SHISA6: variants seen among roughly 807,000 people sequenced by gnomAD.
SHISA6 encodes the protein shisa family member 6, also known as protein shisa-6.
A neutral mutation model predicts 47.9 loss-of-function variants in SHISA6; 22 were observed. That is an observed-to-expected ratio of 0.46 (90% confidence interval 0.33 to 0.66). SHISA6 has a LOEUF of 0.66. SHISA6 is among the 30% of genes least tolerant of loss of function. The probability of loss-of-function intolerance (pLI) is 0.02; values close to 1 mark genes in which losing one functional copy is unlikely to be tolerated. For synonymous variants in SHISA6, 388 were observed against 337.8 expected, an observed-to-expected ratio of 1.15 and a Z score of -1.63; for missense variants, 680 against 764.6, an observed-to-expected ratio of 0.89 and a Z score of 1.30.
Position 11,445,851 on chromosome 17 carries a change from A to G in SHISA6, c.895+66342A>G, listed in dbSNP as rs1256077576. Among the ~76,000 whole-genome samples, 6 of 152,296 alleles carry G rather than the reference A, an allele frequency of 3.9e-5. 1 individual carries two copies. Among genetic ancestry groups the G allele is most frequent in the Admixed American group, 2.0e-4 (3 of 15,286 alleles). Reference sequence around the variant, plus strand: ...CTTTCTTTCTTTTATTTTTTGAAACAGAGTCTCCTTCTGTCGCCCAGGCTG... The same window carrying G: ...CTTTCTTTCTTTTATTTTTTGAAACGGAGTCTCCTTCTGTCGCCCAGGCTG... On this transcript the variant is annotated intron_variant, in intron 3 of 5. Transcript: ENST00000441885.
rs1174062048 is a variant in SHISA6, at chr17:11,241,880, C to T, written c.458C>T (p.Thr153Met). 3 of 1,551,096 alleles carry T rather than the reference C, an allele frequency of 1.9e-6. No homozygotes were observed. The highest frequency in any genetic ancestry group is 2.6e-6 in the Non-Finnish European group (3 of 1,147,034). Reference sequence around the variant, plus strand: ...TACCAGAGCCCGGTGTGGGTACAGACGCCCAGCACCAAGGTGGTGTCGCCG... The same window carrying T: ...TACCAGAGCCCGGTGTGGGTACAGATGCCCAGCACCAAGGTGGTGTCGCCG... ...TNYQSPVWVQ[T>M]PSTKVVSPGP... The change falls in exon 1 of 6, where the codon ACG becomes ATG. Residue 153 changes from threonine to methionine, a missense_variant. Thr to Met is a moderately conservative substitution (Grantham distance 81). Transcript: ENST00000441885. This position sits in a 1 kb window ranked among gnomAD's most constrained non-coding sequence, Gnocchi z 5.5.
chr17:11,528,672 C>T (rs2071706911), intron 3 of SHISA6, among the ~76,000 whole-genome samples: 2 of 152,116 alleles, frequency 1.3e-5, no homozygotes, highest in South Asian at 4.2e-4. Flanking sequence ...TTTATGTGCA[C>T]ATTTTGGCAA....
chr17:11,353,908 G>A (rs997918930), intron 2 of SHISA6, among the ~76,000 whole-genome samples: 15 of 152,242 alleles, frequency 9.9e-5, no homozygotes, highest in African/African-American at 2.9e-4. Context: ...GAGGAAGACA[G>A]GGAAAAGGAA....
chr17:11,435,982 T>C (rs1247256595), intron 3 of SHISA6, among the ~76,000 whole-genome samples: 1 of 152,214 alleles, frequency 6.6e-6, no homozygotes, highest in Non-Finnish European at 1.5e-5. Flanking sequence ...CAAACTGTGT[T>C]AGCATTGATT....
chr17:11,423,303 T>C (rs1914507470), intron 3 of SHISA6, among the ~76,000 whole-genome samples: 1 of 147,534 alleles, frequency 6.8e-6, no homozygotes. Context: ...GTAACATATA[T>C]CTATATATGC....
chr17:11,321,147 C>T (rs1308268172), intron 2 of SHISA6, among the ~76,000 whole-genome samples: 1 of 152,194 alleles, frequency 6.6e-6, no homozygotes, highest in Non-Finnish European at 1.5e-5. Flanking sequence ...CCTTGATCCT[C>T]AAGTCACAAG....
At chr17:11,361,256 C>T (rs1912272982) in intron 2 of SHISA6, among the ~76,000 whole-genome samples, 1 of 151,840 alleles carries the variant, frequency 6.6e-6, no homozygotes, top group Non-Finnish European at 1.5e-5. Flanking sequence ...ACATTGTTTT[C>T]ATTAGACTTG....
intron 2 of SHISA6, among the ~76,000 whole-genome samples, chr17:11,377,477 C>G (rs114476536): frequency 3.1e-3 from 471 of 152,308 alleles, no homozygotes; most frequent in African/African-American, 0.011. Flanking sequence ...ATCCGCATCA[C>G]CAGGAGACTT....
At chr17:11,329,674 T>G (rs907885145) in intron 2 of SHISA6, among the ~76,000 whole-genome samples, 1 of 152,076 alleles carries the variant, frequency 6.6e-6, no homozygotes. Flanking sequence ...GCTTTCCTTA[T>G]GTGGTTTTTT....
intron 3 of SHISA6, among the ~76,000 whole-genome samples, chr17:11,393,996 G>A (rs1913479695): frequency 6.6e-6 from 1 of 152,044 alleles, no homozygotes; most frequent in Non-Finnish European, 1.5e-5. Context: ...GTCTTCCTTG[G>A]CCCTTAAGTG....
chr17:11,435,793 A>C (rs1052924629), intron 3 of SHISA6, among the ~76,000 whole-genome samples: 1 of 152,126 alleles, frequency 6.6e-6, no homozygotes. Flanking sequence ...AGCTTCTAGA[A>C]ATTTTGCTCA....
intron 3 of SHISA6, among the ~76,000 whole-genome samples, chr17:11,428,466 G>T (rs1914660231): frequency 6.6e-6 from 1 of 152,266 alleles, no homozygotes; most frequent in African/African-American, 2.4e-5. Context: ...GGCTGAGCAT[G>T]AGGACTGGGT....
At chr17:11,309,090 G>A (rs563379348) in intron 2 of SHISA6, among the ~76,000 whole-genome samples, 1 of 152,106 alleles carries the variant, frequency 6.6e-6, no homozygotes, top group East Asian at 1.9e-4. Flanking sequence ...TCAGCCTCCC[G>A]AGTAGCTGGG....
chr17:11,423,628 G>A (rs1426183666), intron 3 of SHISA6, among the ~76,000 whole-genome samples: 1 of 151,868 alleles, frequency 6.6e-6, no homozygotes, highest in Non-Finnish European at 1.5e-5. Flanking sequence ...TACTAGAAAG[G>A]CAAGCCACAG....
At chr17:11,256,009 A>G (rs1195751016) in intron 1 of SHISA6, among the ~76,000 whole-genome samples, 2 of 152,314 alleles carry the variant, frequency 1.3e-5, no homozygotes, top group African/African-American at 4.8e-5. Context: ...TTTTTGCCTC[A>G]TTATTTTGGT....
intron 2 of SHISA6, among the ~76,000 whole-genome samples, chr17:11,339,337 AT>A (rs1911443215): frequency 6.6e-6 from 1 of 152,160 alleles, no homozygotes; most frequent in South Asian, 2.1e-4. Context: ...CATTATAATT[AT>A]TTAAACATGA....
At chr17:11,261,274 C>T (rs1411875972) in intron 1 of SHISA6, among the ~76,000 whole-genome samples, 3 of 152,206 alleles carry the variant, frequency 2.0e-5, no homozygotes, top group Non-Finnish European at 4.4e-5. Flanking sequence ...GGACCAGGAG[C>T]ATTTCCATAG....
intron 1 of SHISA6, among the ~76,000 whole-genome samples, chr17:11,250,627 C>G (rs1907765379): frequency 6.6e-6 from 1 of 152,196 alleles, no homozygotes; most frequent in South Asian, 2.1e-4. Context: ...TGGTAAAGGG[C>G]TGGGCATTTG....
chr17:11,314,962 G>T (rs1001464315), intron 2 of SHISA6, among the ~76,000 whole-genome samples: 2 of 152,092 alleles, frequency 1.3e-5, no homozygotes, highest in East Asian at 3.8e-4. Context: ...TTCTCTTTAT[G>T]ACTTCTAGAA....
Sources: allele counts gnomAD v4.1 joint callset (sites outside exome capture counted in the v4.1 genomes callset), GRCh38; gene constraint gnomAD v4.1.1; non-coding constraint Gnocchi (gnomAD v3.1); transcripts MANE v1.5; gene names NCBI Gene and HGNC (gene_info 2026-07-23, HGNC 2026-07-21).